The following MGST1 variants were observed in gnomAD, a reference collection of about 807,000 sequenced individuals.
MGST1 encodes the protein microsomal glutathione S-transferase 1.
MGST1 carries 5 observed loss-of-function variants against 8.9 expected under a neutral mutation model. The ratio of observed to expected loss-of-function variants is 0.56; its 90% CI spans 0.29 to 1.19. The LOEUF is 1.19. Among genes scored for constraint, MGST1 ranks in the 50% most tolerant of loss-of-function variants. MGST1 has a pLI of 0.08. For synonymous variants in MGST1, 54 were observed against 67.8 expected, an observed-to-expected ratio of 0.80 and a Z score of 1.00; for missense variants, 182 against 187.4, an observed-to-expected ratio of 0.97 and a Z score of 0.17.
intron 4 of MGST1, among the ~76,000 whole-genome samples, chr12:16,520,370 G>A (rs1002783077): frequency 6.6e-6 from 1 of 152,116 alleles, no homozygotes; most frequent in African/African-American, 2.4e-5. Context: ...AATCTAATCG[G>A]GAAGGAAAGA....
At chr12:16,469,835 G>A (rs1306721504) in intron 4 of MGST1, among the ~76,000 whole-genome samples, 2 of 152,170 alleles carry the variant, frequency 1.3e-5, no homozygotes, top group Non-Finnish European at 2.9e-5. Flanking sequence ...AAAATGAAGT[G>A]CAACTTAGCC....
chr12:16,511,369 G>A (rs529183389), intron 4 of MGST1, among the ~76,000 whole-genome samples: 2 of 152,146 alleles, frequency 1.3e-5, no homozygotes, highest in African/African-American at 2.4e-5. Context: ...AGATTCATTC[G>A]GCTCCTGAAG....
chr12:16,504,944 A>G (rs1271646981), intron 4 of MGST1, among the ~76,000 whole-genome samples: 4 of 152,134 alleles, frequency 2.6e-5, no homozygotes, highest in African/African-American at 4.8e-5. Context: ...CATGCTTGCT[A>G]TAGGTTACCA....
intron 4 of MGST1, among the ~76,000 whole-genome samples, chr12:16,501,683 C>T (rs1397926695): frequency 6.6e-6 from 1 of 152,152 alleles, no homozygotes; most frequent in Non-Finnish European, 1.5e-5. Flanking sequence ...TTTCTTTCTT[C>T]ATTACCCAGT....
chr12:16,426,574 G>T (rs967594335), intron 1 of MGST1, among the ~76,000 whole-genome samples: 1 of 152,058 alleles, frequency 6.6e-6, no homozygotes, highest in Non-Finnish European at 1.5e-5. Context: ...CTTCTTGATA[G>T]TGTTCAATTC....
intron 4 of MGST1, among the ~76,000 whole-genome samples, chr12:16,562,878 A>G (rs529443850): frequency 5.3e-5 from 8 of 152,298 alleles, no homozygotes; most frequent in Admixed American, 2.6e-4. Flanking sequence ...TTCCACTACA[A>G]TGTGCACAAA....
chr12:16,364,884 A>G (rs183755702), downstream of MGST1, among the ~76,000 whole-genome samples: 17 of 152,218 alleles, frequency 1.1e-4, no homozygotes, highest in East Asian at 2.5e-3. The surrounding 1 kb of genome is among the most constrained non-coding windows in gnomAD (Gnocchi z 5.7). Flanking sequence ...TCTCTTTTGT[A>G]TAACCTTGAC....
intron 4 of MGST1, among the ~76,000 whole-genome samples, chr12:16,450,597 CT>C (rs1267382941): frequency 6.6e-6 from 1 of 151,904 alleles, no homozygotes; most frequent in Admixed American, 6.6e-5. Flanking sequence ...CAGAATCGCA[CT>C]AGTGTATTAA....
At chr12:16,421,716 G>A (rs1185272432) in intron 1 of MGST1, among the ~76,000 whole-genome samples, 1 of 152,108 alleles carries the variant, frequency 6.6e-6, no homozygotes, top group Non-Finnish European at 1.5e-5. Context: ...TCTGTAAAGT[G>A]GGTCTCTTGA....
At chr12:16,402,110 T>C (rs929863302) in intron 1 of MGST1, 1 of 1,521,920 alleles carries the variant, frequency 6.6e-7, no homozygotes, top group Non-Finnish European at 9.1e-7. Context: ...ATATCAGCAG[T>C]CTGATGGCAG....
intron 4 of MGST1, among the ~76,000 whole-genome samples, chr12:16,468,637 T>C (rs1941270749): frequency 6.6e-6 from 1 of 152,216 alleles, no homozygotes; most frequent in South Asian, 2.1e-4. Flanking sequence ...AACGTATATA[T>C]ATTTTAAATC....
At chr12:16,507,715 AG>A (rs1241830136) in intron 4 of MGST1, among the ~76,000 whole-genome samples, 2 of 152,110 alleles carry the variant, frequency 1.3e-5, no homozygotes, top group African/African-American at 4.8e-5. Flanking sequence ...CAGAGAGAGA[AG>A]GGGGAAGTGC....
At chr12:16,423,125 C>T (rs1026434034) in intron 1 of MGST1, among the ~76,000 whole-genome samples, 4 of 152,160 alleles carry the variant, frequency 2.6e-5, no homozygotes, top group African/African-American at 7.2e-5. Flanking sequence ...TCAGAGGGCT[C>T]ATCTTACTTT....
At chr12:16,579,694 C>A (rs1465645728) in intron 4 of MGST1, among the ~76,000 whole-genome samples, 1 of 152,184 alleles carries the variant, frequency 6.6e-6, no homozygotes, top group African/African-American at 2.4e-5. Context: ...GCCTACTAGG[C>A]ACTCAGTAAG....
At chr12:16,510,168 G>A (rs1458002903) in intron 4 of MGST1, among the ~76,000 whole-genome samples, 1 of 152,148 alleles carries the variant, frequency 6.6e-6, no homozygotes, top group African/African-American at 2.4e-5. Context: ...TCTGTCAGAT[G>A]GCAGTGGCTC....
chr12:16,403,082 A>G (rs1435039315), intron 1 of MGST1, among the ~76,000 whole-genome samples: 1 of 152,080 alleles, frequency 6.6e-6, no homozygotes, highest in African/African-American at 2.4e-5. Context: ...TGACTTAATC[A>G]TTTTTAGCCT....
intron 4 of MGST1, among the ~76,000 whole-genome samples, chr12:16,539,706 C>T (rs1319704736): frequency 6.6e-6 from 1 of 152,180 alleles, no homozygotes; most frequent in Admixed American, 6.5e-5. Flanking sequence ...ATGCCTTCCC[C>T]TGTGTTGTAA....
intron 4 of MGST1, among the ~76,000 whole-genome samples, chr12:16,551,688 G>C (rs1462749032): frequency 2.6e-5 from 4 of 151,200 alleles, no homozygotes; most frequent in African/African-American, 7.3e-5. Context: ...TGATAATAAT[G>C]TTTCACTGCA....
intron 4 of MGST1, among the ~76,000 whole-genome samples, chr12:16,577,827 G>T (rs1943041348): frequency 6.6e-6 from 1 of 152,024 alleles, no homozygotes; most frequent in Non-Finnish European, 1.5e-5. Context: ...AATTTAACAG[G>T]GCCACAGTTC....
Sources: gnomAD v4.1 joint callset for allele counts (sites outside exome capture counted in the v4.1 genomes callset) on GRCh38, gnomAD v4.1.1 for gene constraint, Gnocchi (gnomAD v3.1) non-coding constraint, MANE v1.5 for transcripts, NCBI Gene and HGNC (gene_info 2026-07-23, HGNC 2026-07-21) for gene names.